Variants in SYTL5 observed in about 807,000 individuals in gnomAD.
SYTL5 encodes the protein synaptotagmin like 5.
SYTL5 carries 34 observed loss-of-function variants against 55.9 expected under a neutral mutation model. That is an observed-to-expected ratio of 0.61 (90% confidence interval 0.46 to 0.81). SYTL5 has a LOEUF of 0.81. SYTL5 is among the 30% of genes least tolerant of loss of function. The probability of loss-of-function intolerance (pLI) is 0.00; values close to 1 mark genes in which losing one functional copy is unlikely to be tolerated. For synonymous variants in SYTL5, 221 were observed against 188.7 expected, an observed-to-expected ratio of 1.17 and a Z score of -1.40; for missense variants, 637 against 546.7, an observed-to-expected ratio of 1.17 and a Z score of -1.65.
chrX:37,912,591 G>A, the SYTL5 span, among the ~76,000 whole-genome samples: 1 of 112,003 alleles, frequency 8.9e-6, no homozygotes, highest in Admixed American at 9.5e-5. Context: ...TCAGTTATCT[G>A]GGGGTTGGCT....
At chrX:38,010,479 C>G (rs1329191797) in intron 1 of SYTL5, among the ~76,000 whole-genome samples, 3 of 112,030 alleles carry the variant, frequency 2.7e-5, no homozygotes, top group Non-Finnish European at 5.6e-5. Context: ...TCTGAGCGAC[C>G]ATTCGGGGCA....
the SYTL5 span, among the ~76,000 whole-genome samples, chrX:37,981,457 A>G: frequency 1.8e-5 from 2 of 110,749 alleles, no homozygotes; most frequent in Admixed American, 1.9e-4. Context: ...CACCATGCCT[A>G]GCTAATTTTT....
chrX:38,000,443 G>A, the SYTL5 span, among the ~76,000 whole-genome samples: 6 of 112,473 alleles, frequency 5.3e-5, no homozygotes, highest in South Asian at 3.7e-4. Context: ...TGTGATGGAC[G>A]TGTGGCTCAC....
chrX:38,122,733 G>T (rs1346890058), intron 15 of SYTL5, among the ~76,000 whole-genome samples: 1 of 112,167 alleles, frequency 8.9e-6, no homozygotes, highest in Non-Finnish European at 1.9e-5. Flanking sequence ...GGAGCAAAGG[G>T]CAGCTTCCTG....
the SYTL5 span, among the ~76,000 whole-genome samples, chrX:37,952,659 A>G: frequency 9.0e-6 from 1 of 111,054 alleles, no homozygotes; most frequent in Non-Finnish European, 1.9e-5. Context: ...CCAATAATTC[A>G]ACACCCTTAT....
At chrX:37,964,425 A>G in the SYTL5 span, among the ~76,000 whole-genome samples, 33 of 112,101 alleles carry the variant, frequency 2.9e-4, no homozygotes, top group African/African-American at 9.7e-4. Flanking sequence ...AACCATCCTT[A>G]CATCCCAGGG....
intron 3 of SYTL5, among the ~76,000 whole-genome samples, chrX:38,061,245 T>G (rs1473715057): frequency 1.8e-5 from 2 of 112,118 alleles, no homozygotes. Flanking sequence ...TTACTTCTCA[T>G]TTTTAAAGCT....
intron 3 of SYTL5, among the ~76,000 whole-genome samples, chrX:38,063,909 T>C (rs761778480): frequency 2.7e-5 from 3 of 111,581 alleles, no homozygotes; most frequent in African/African-American, 9.8e-5. Context: ...AATGGTGGGA[T>C]TCTTAAATCT....
At position 38,066,433 on chromosome X, in the gene SYTL5, A is replaced by G. The variant is rs189063240; in HGVS notation, c.330-5614A>G. ...AACAAACCCTGAACTGTCAGTAATC[A>G]TTATTCACAAATAAGTATAGCCCAC... On this transcript the variant is annotated intron_variant, in intron 3 of 16. Transcript: ENST00000297875. Among the ~76,000 whole-genome samples the G allele has an allele frequency of 4.5e-3, 502 of 111,861 alleles. 2 individuals carry two copies. Among genetic ancestry groups the G allele is most frequent in the African/African-American group, 0.015 (473 of 30,809 alleles).
chrX:37,957,484 A>C, the SYTL5 span, among the ~76,000 whole-genome samples: 1 of 111,972 alleles, frequency 8.9e-6, no homozygotes, highest in South Asian at 3.7e-4. Flanking sequence ...GTAGAATTTC[A>C]TACTTTTGCA....
In SYTL5 at chrX:38,110,365, C is replaced by T. The variant is rs140267111; in HGVS notation, c.1479C>T (p.Leu493=). The T allele has an allele frequency of 2.2e-5, 26 of 1,205,875 alleles. No individual in the cohort carries two copies. Among genetic ancestry groups the T allele is most frequent in the Non-Finnish European group, 2.5e-5 (22 of 892,896 alleles). The change falls in exon 13 of 17, where the codon CTC becomes CTT. Residue 493 remains leucine (L), a synonymous_variant. Transcript: ENST00000297875. The stretch of plus-strand genomic sequence containing the variant: ...AGCTGGAAACAAGAACTCTGCAGCT[C>T]TCAGTCTGGCACTATGATCGATTTG... The part of the protein sequence containing the change: ...HTQLETRTLQ[L]SVWHYDRFGR...
chrX:38,040,208 C>T (rs1219177037), intron 2 of SYTL5, among the ~76,000 whole-genome samples: 3 of 110,028 alleles, frequency 2.7e-5, no homozygotes, highest in Non-Finnish European at 3.8e-5. Context: ...TTTGTGGGTA[C>T]ATAGTAGGTG....
At chrX:38,054,630 G>A (rs1389012430) in intron 3 of SYTL5, among the ~76,000 whole-genome samples, 1 of 108,236 alleles carries the variant, frequency 9.2e-6, no homozygotes, top group African/African-American at 3.4e-5. Flanking sequence ...GAGAGAGAGA[G>A]AGAGAGAGAG....
the SYTL5 span, among the ~76,000 whole-genome samples, chrX:37,948,897 A>G: frequency 8.9e-6 from 1 of 111,904 alleles, no homozygotes; most frequent in Non-Finnish European, 1.9e-5. Context: ...GAATACAGAT[A>G]TCTAAGGGGG....
the SYTL5 span, among the ~76,000 whole-genome samples, chrX:37,941,483 C>T: frequency 9.2e-6 from 1 of 108,367 alleles, no homozygotes; most frequent in South Asian, 4.2e-4. Flanking sequence ...CGTGTTCACC[C>T]GGACATGCAA....
At chrX:37,967,782 T>C in the SYTL5 span, among the ~76,000 whole-genome samples, 5 of 110,348 alleles carry the variant, frequency 4.5e-5, no homozygotes, top group South Asian at 1.9e-3. Context: ...GACTTGTTAA[T>C]TTCCAATAAC....
At chrX:37,921,571 A>G in the SYTL5 span, among the ~76,000 whole-genome samples, 1,086 of 112,054 alleles carry the variant, frequency 9.7e-3, 11 homozygotes, top group African/African-American at 0.034. Context: ...CAGATTCAGG[A>G]TGTGAATTCA....
intron 2 of SYTL5, among the ~76,000 whole-genome samples, chrX:38,042,808 C>G (rs1409403849): frequency 8.9e-6 from 1 of 111,898 alleles, no homozygotes; most frequent in Non-Finnish European, 1.9e-5. Context: ...AAGGGAATAT[C>G]TAATATCAAC....
At chrX:37,966,464 G>A in the SYTL5 span, among the ~76,000 whole-genome samples, 2 of 84,787 alleles carry the variant, frequency 2.4e-5, no homozygotes, top group Non-Finnish European at 4.4e-5. Context: ...TTGAGACAGA[G>A]TCTCACTCTG....
Sources: gnomAD v4.1 joint callset for allele counts (sites outside exome capture counted in the v4.1 genomes callset) on GRCh38, gnomAD v4.1.1 for gene constraint, MANE v1.5 for transcripts, NCBI Gene and HGNC (gene_info 2026-07-23, HGNC 2026-07-21) for gene names.